Variants in KCNJ6 observed in about 807,000 individuals in gnomAD.
KCNJ6 encodes the protein G protein-activated inward rectifier potassium channel 2.
KCNJ6 carries 9 observed loss-of-function variants against 34.2 expected under a neutral mutation model. That is an observed-to-expected ratio of 0.26 (90% CI 0.16 to 0.46). The LOEUF (loss-of-function observed/expected upper bound fraction) is 0.46. Among genes scored for constraint, KCNJ6 ranks in the 20% least tolerant of loss-of-function variants. KCNJ6 has a pLI of 1.00. For synonymous variants in KCNJ6, 196 were observed against 207.1 expected (o/e 0.95, Z 0.46); for missense variants, 236 against 531.3 (o/e 0.44, Z 5.46).
intron 1 of KCNJ6, among the ~76,000 whole-genome samples, chr21:37,860,719 A>T (rs530886839): frequency 1.4e-4 from 21 of 151,874 alleles, no homozygotes; most frequent in South Asian, 6.2e-4. Context: ...ACCCCCCTGG[A>T]GTGGCTCTCT....
chr21:37,779,495 C>A (rs190249588), intron 2 of KCNJ6, among the ~76,000 whole-genome samples: 1 of 152,306 alleles, frequency 6.6e-6, no homozygotes, highest in Non-Finnish European at 1.5e-5. Context: ...CTGATTGCAT[C>A]CATCCATAGA....
Position 37,618,206 on chromosome 21 carries a change from G to C in KCNJ6, c.*6953C>G, listed in dbSNP as rs965071033. The C allele has an allele frequency of 7.2e-5, 11 of 152,282 alleles. No individual in the cohort carries two copies. Among genetic ancestry groups the C allele is most frequent in the African/African-American group, 2.7e-4 (11 of 41,462 alleles). 9.4% of individuals were successfully genotyped at this position (152,282 alleles called of 1,614,324 possible). Reference sequence around the variant, plus strand: ...TAAGAAGACTGGCTGAAGACCCAGAGGTTTGGGTAATGCACGGCTGACCGA... The same window carrying C: ...TAAGAAGACTGGCTGAAGACCCAGACGTTTGGGTAATGCACGGCTGACCGA... On this transcript the variant is annotated 3_prime_UTR_variant, in exon 4 of 4. Transcript: ENST00000609713.
chr21:37,663,058 A>G (rs1601409047), intron 3 of KCNJ6, among the ~76,000 whole-genome samples: 1 of 152,154 alleles, frequency 6.6e-6, no homozygotes, highest in African/African-American at 2.4e-5. Flanking sequence ...GAAGCAAAAA[A>G]AATTTAATAT....
intron 2 of KCNJ6, among the ~76,000 whole-genome samples, chr21:37,772,782 TAA>T (rs1181128445): frequency 6.6e-6 from 1 of 152,196 alleles, no homozygotes; most frequent in Non-Finnish European, 1.5e-5. Flanking sequence ...CTAAATATGA[TAA>T]AGTACATGTA....
intron 2 of KCNJ6, among the ~76,000 whole-genome samples, chr21:37,761,921 C>G (rs2055067433): frequency 6.6e-6 from 1 of 152,138 alleles, no homozygotes; most frequent in Non-Finnish European, 1.5e-5. Context: ...ACACCTTTTG[C>G]CCCAGACCCT....
chr21:37,729,083 T>A (rs1314840107), intron 2 of KCNJ6, among the ~76,000 whole-genome samples: 1 of 152,108 alleles, frequency 6.6e-6, no homozygotes, highest in Admixed American at 6.5e-5. Context: ...AGATCCTACA[T>A]CCCATGAGGA....
At chr21:37,853,576 G>T (rs1441608135) in intron 1 of KCNJ6, among the ~76,000 whole-genome samples, 2 of 151,938 alleles carry the variant, frequency 1.3e-5, no homozygotes, top group African/African-American at 4.8e-5. Flanking sequence ...AAGCAATCTT[G>T]ACACATCTTA....
At chr21:37,792,601 G>A (rs1360809564) in intron 2 of KCNJ6, among the ~76,000 whole-genome samples, 1 of 152,168 alleles carries the variant, frequency 6.6e-6, no homozygotes, top group African/African-American at 2.4e-5. Flanking sequence ...GCTAAGGGTT[G>A]TATGCTTATT....
intron 1 of KCNJ6, among the ~76,000 whole-genome samples, chr21:37,853,835 C>CATATATATGTGTATATATATATATAT (rs1399366665): frequency 9.3e-5 from 4 of 43,236 alleles, no homozygotes; most frequent in Non-Finnish European, 1.5e-4. Context: ...TTAAGAGATA[C>CATATATATGTGTATATATATATATAT]ATATATATAT....
chr21:37,645,098 G>A (rs1361321617), intron 3 of KCNJ6, among the ~76,000 whole-genome samples: 1 of 151,700 alleles, frequency 6.6e-6, no homozygotes, highest in African/African-American at 2.4e-5. Context: ...AACAAGGCTG[G>A]GTATGGTGGC....
chr21:37,727,054 G>C (rs2054858516), intron 2 of KCNJ6, among the ~76,000 whole-genome samples: 1 of 152,200 alleles, frequency 6.6e-6, no homozygotes, highest in South Asian at 2.1e-4. Flanking sequence ...TGGAGAAGCA[G>C]CCAGATAAAG....
At chr21:37,771,656 T>C (rs2055118196) in intron 2 of KCNJ6, among the ~76,000 whole-genome samples, 1 of 152,188 alleles carries the variant, frequency 6.6e-6, no homozygotes, top group Non-Finnish European at 1.5e-5. Flanking sequence ...CACTGCTAGA[T>C]CCAAGGAGAT....
At chr21:37,680,255 G>T (rs1362637832) in intron 3 of KCNJ6, among the ~76,000 whole-genome samples, 1 of 152,170 alleles carries the variant, frequency 6.6e-6, no homozygotes, top group African/African-American at 2.4e-5. Context: ...TCCTGAGGAA[G>T]AAAGCCCTCT....
chr21:37,818,346 G>A lies in KCNJ6; in HGVS notation c.25+22312C>T, dbSNP rs554319545. On this transcript the variant is annotated intron_variant, in intron 2 of 3. Coordinates refer to ENST00000609713, the MANE Select transcript of KCNJ6 (RefSeq NM_002240.5). Reference sequence around the variant, plus strand: ...CAACCTCTCAATCCATCAAGCTTCTGCAGCGTCTAATACATTATCTAAAAG... The same window carrying A: ...CAACCTCTCAATCCATCAAGCTTCTACAGCGTCTAATACATTATCTAAAAG... 6.6e-5 allele frequency among the ~76,000 whole-genome samples: 10 copies of A among 152,216 alleles called. No individual in the cohort carries two copies. The East Asian group carries it at 1.7e-3, about 27-fold the overall frequency.
intron 1 of KCNJ6, among the ~76,000 whole-genome samples, chr21:37,893,190 C>T (rs928887711): frequency 1.3e-5 from 2 of 150,268 alleles, no homozygotes; most frequent in Non-Finnish European, 3.0e-5. Flanking sequence ...TTCCTGGGTA[C>T]CCTTTTGAAT....
At chr21:37,899,766 C>A (rs940578386) in intron 1 of KCNJ6, among the ~76,000 whole-genome samples, 8 of 152,184 alleles carry the variant, frequency 5.3e-5, no homozygotes, top group Non-Finnish European at 1.2e-4. Flanking sequence ...TCCCTACCTA[C>A]AAAATGGGAA....
intron 1 of KCNJ6, among the ~76,000 whole-genome samples, chr21:37,850,981 C>T (rs1443758699): frequency 6.6e-6 from 1 of 152,166 alleles, no homozygotes; most frequent in Admixed American, 6.5e-5. Context: ...TTCATTCATT[C>T]ATTCATGGCT....
intron 3 of KCNJ6, among the ~76,000 whole-genome samples, chr21:37,658,038 A>T (rs1011866688): frequency 6.6e-6 from 1 of 152,322 alleles, no homozygotes; most frequent in African/African-American, 2.4e-5. Context: ...TTCTCTTAAA[A>T]CGAGGCTCTT....
chr21:37,912,047 A>G (rs1206022970), intron 1 of KCNJ6, among the ~76,000 whole-genome samples: 1 of 152,226 alleles, frequency 6.6e-6, no homozygotes, highest in African/African-American at 2.4e-5. Context: ...AGTCCTATGT[A>G]TTAAATAAAG....
Sources: allele counts gnomAD v4.1 joint callset (sites outside exome capture counted in the v4.1 genomes callset), GRCh38; gene constraint gnomAD v4.1.1; transcripts MANE v1.5; gene names NCBI Gene and HGNC (gene_info 2026-07-23, HGNC 2026-07-21).